Variants in VIPR2 observed in about 807,000 individuals in gnomAD.
VIPR2 encodes vasoactive intestinal polypeptide receptor 2.
VIPR2 carries 48 observed loss-of-function variants against 58.0 expected under a neutral mutation model. The ratio of observed to expected loss-of-function variants is 0.83; its 90% CI spans 0.66 to 1.05. The LOEUF (loss-of-function observed/expected upper bound fraction) is 1.05. VIPR2 is among the 50% of genes least tolerant of loss of function. The probability of loss-of-function intolerance (pLI) is 0.00; values close to 1 mark genes in which losing one functional copy is unlikely to be tolerated. For missense variants in VIPR2, 534 were observed against 558.0 expected, an observed-to-expected ratio of 0.96 and a Z score of 0.43; for synonymous variants, 243 against 235.2, an observed-to-expected ratio of 1.03 and a Z score of -0.30.
At chr7:159,049,861 G>C (rs1854881642) in intron 5 of VIPR2, among the ~76,000 whole-genome samples, 1 of 152,196 alleles carries the variant, frequency 6.6e-6, no homozygotes, top group Admixed American at 6.5e-5. Context: ...AACCTGAAAT[G>C]CAGCCCGAAA....
chr7:159,034,686 A>G lies in VIPR2; in HGVS notation c.810-36T>C, dbSNP rs774603165. 9 of 1,591,302 alleles carry G rather than the reference A, an allele frequency of 5.7e-6. No individual in the cohort carries two copies. In the South Asian group the frequency reaches 7.7e-5, roughly 14 times the overall value. ...GAGATGGGAAATCAGGTTACCACCA[A>G]CCACTTTCGCAAGACAGGTACAGAA... On this transcript the variant is annotated intron_variant, in intron 8 of 12. Transcript: ENST00000262178.
At chr7:159,072,763 CT>C (rs1001312965) in intron 4 of VIPR2, among the ~76,000 whole-genome samples, 1 of 152,182 alleles carries the variant, frequency 6.6e-6, no homozygotes, top group African/African-American at 2.4e-5. Context: ...CAATAACCCA[CT>C]TTTTTGGTAT....
At chr7:159,048,541 G>C (rs1854785409) in intron 5 of VIPR2, among the ~76,000 whole-genome samples, 1 of 152,118 alleles carries the variant, frequency 6.6e-6, no homozygotes, top group Non-Finnish European at 1.5e-5. Flanking sequence ...CTACAAACTG[G>C]ATTTTGAAGA....
intron 4 of VIPR2, among the ~76,000 whole-genome samples, chr7:159,076,993 T>C (rs1856669105): frequency 6.6e-6 from 1 of 152,212 alleles, no homozygotes; most frequent in Non-Finnish European, 1.5e-5. Flanking sequence ...TACCAGACAG[T>C]TTCAATGAGT....
chr7:159,080,798 T>C (rs1227164579), intron 4 of VIPR2, among the ~76,000 whole-genome samples: 1 of 152,008 alleles, frequency 6.6e-6, no homozygotes, highest in East Asian at 1.9e-4. Context: ...TGTGCAAAAA[T>C]CACAAGCATT....
rs1313109195 is a variant in VIPR2 at position 159,106,626 on chromosome 7, G to A, written c.260-2772C>T. Among the ~76,000 whole-genome samples the A allele has an allele frequency of 6.7e-5, 8 of 120,296 alleles. No homozygotes were observed. In the East Asian group the frequency reaches 2.4e-3, roughly 36 times the overall value. The allele number at this position is 120,296 out of a possible 152,430, so 78.9% of individuals were successfully genotyped here. Reference sequence around the variant, plus strand: ...AGGTGCTGAGAGAGGCCGGGAAGGGGCAGAAAGGCCAGGGAGGGGCAGAGA... The same window carrying A: ...AGGTGCTGAGAGAGGCCGGGAAGGGACAGAAAGGCCAGGGAGGGGCAGAGA... On this transcript the variant is annotated intron_variant, in intron 3 of 12. Transcript: ENST00000262178.
chr7:159,113,750 C>T (rs922595105), intron 2 of VIPR2, among the ~76,000 whole-genome samples: 1 of 152,178 alleles, frequency 6.6e-6, no homozygotes, highest in African/African-American at 2.4e-5. Context: ...GTGAGTCTAT[C>T]AGGAGGCTGG....
At chr7:159,084,883 C>T (rs1857092804) in intron 4 of VIPR2, among the ~76,000 whole-genome samples, 1 of 152,174 alleles carries the variant, frequency 6.6e-6, no homozygotes, top group Non-Finnish European at 1.5e-5. Context: ...CCGTCAGAAA[C>T]CATAACCTAT....
chr7:159,089,675 C>T (rs73169234), intron 4 of VIPR2, among the ~76,000 whole-genome samples: 19,418 of 152,218 alleles, frequency 0.13, 1,429 homozygotes, highest in East Asian at 0.16. Flanking sequence ...ACATGCTTTA[C>T]AACTCAGGTT....
chr7:159,092,650 C>CTTTTTT (rs60400731), intron 4 of VIPR2, among the ~76,000 whole-genome samples: 10 of 133,682 alleles, frequency 7.5e-5, no homozygotes, highest in South Asian at 2.4e-4. Flanking sequence ...CTTTTCTTTT[C>CTTTTTT]TTTTTTTTTT....
intron 2 of VIPR2, among the ~76,000 whole-genome samples, chr7:159,116,111 G>A (rs1008384560): frequency 3.3e-5 from 5 of 152,180 alleles, no homozygotes; most frequent in Admixed American, 6.5e-5. Context: ...TGGTCATCAC[G>A]GAAGGGCTGG....
intron 4 of VIPR2, among the ~76,000 whole-genome samples, chr7:159,061,674 G>GA (rs1204434983): frequency 6.6e-6 from 1 of 151,576 alleles, no homozygotes; most frequent in Admixed American, 6.6e-5. Context: ...TTAAAAAAAA[G>GA]AAAAAAAGTG....
rs112530683 is a variant in VIPR2, at chr7:159,104,423, A to G, written c.260-569T>C. Among the ~76,000 whole-genome samples the G allele has an allele frequency of 7.2e-3, 1,084 of 150,404 alleles. 14 individuals carry two copies. The highest frequency in any genetic ancestry group is 0.024 in the African/African-American group (983 of 40,734). On this transcript the variant is annotated intron_variant, in intron 3 of 12. Coordinates refer to ENST00000262178, the MANE Select transcript of VIPR2 (RefSeq NM_003382.5). ...AGTGACCAGGTGTCCCGCCTGCTCC[A>G]GTTCCCGACAGCACCCTCCCTCCTC...
chr7:159,077,145 T>C (rs1856676590), intron 4 of VIPR2, among the ~76,000 whole-genome samples: 1 of 152,274 alleles, frequency 6.6e-6, no homozygotes, highest in Non-Finnish European at 1.5e-5. Context: ...GAGATTAGAC[T>C]GATTTTGCAA....
intron 3 of VIPR2, among the ~76,000 whole-genome samples, chr7:159,105,055 G>A (rs1183621163): frequency 2.0e-5 from 3 of 152,242 alleles, no homozygotes; most frequent in Non-Finnish European, 2.9e-5. Context: ...CATCTTTTGC[G>A]CCTACGGAAC....
intron 5 of VIPR2, among the ~76,000 whole-genome samples, chr7:159,046,396 A>G (rs1328741695): frequency 7.9e-5 from 12 of 152,254 alleles, no homozygotes; most frequent in Admixed American, 5.2e-4. Flanking sequence ...AGAGGCATGA[A>G]GTACTGACGT....
rs1051179591 is a variant in VIPR2 at position 159,031,113 on chromosome 7, T to C, written c.1144-324A>G. Among the ~76,000 whole-genome samples the C allele has an allele frequency of 1.3e-5, 2 of 152,000 alleles. No homozygotes were observed. The highest frequency in any genetic ancestry group is 4.8e-5 in the African/African-American group (2 of 41,386). ...AAAAGATTTTCCTTAGCAGCCGGGGTTGTGACGGTGCTGGGCCTCCGTCTC... is the reference window on the plus strand; with the variant it reads ...AAAAGATTTTCCTTAGCAGCCGGGGCTGTGACGGTGCTGGGCCTCCGTCTC... On this transcript the variant is annotated intron_variant, in intron 12 of 12. Transcript: ENST00000262178. The surrounding 1 kb of genome is among the most constrained non-coding windows in gnomAD (Gnocchi z 4.0).
At chr7:159,101,942 T>C (rs1395890536) in intron 4 of VIPR2, among the ~76,000 whole-genome samples, 86 of 122,984 alleles carry the variant, frequency 7.0e-4, no homozygotes, top group South Asian at 1.4e-3. Flanking sequence ...TGGTAGTGAA[T>C]GAGTCTCACG....
chr7:159,135,032 A>ATTTTTTTTTT (rs1797155596), intron 2 of VIPR2, among the ~76,000 whole-genome samples: 1 of 17,400 alleles, frequency 5.7e-5, no homozygotes, highest in African/African-American at 2.6e-4. Flanking sequence ...TTTTTTTTTA[A>ATTTTTTTTTT]CATTTTAAGT....
Sources: allele counts gnomAD v4.1 joint callset (sites outside exome capture counted in the v4.1 genomes callset), GRCh38; gene constraint gnomAD v4.1.1; non-coding constraint Gnocchi (gnomAD v3.1); transcripts MANE v1.5; gene names NCBI Gene and HGNC (gene_info 2026-07-23, HGNC 2026-07-21).